DCC: variants seen among roughly 807,000 people sequenced by gnomAD.
DCC encodes the protein DCC netrin 1 receptor.
Under a neutral mutation model 172.5 loss-of-function variants are expected in DCC, and 58 were observed. The observed-to-expected ratio is 0.34, with a 90% CI of 0.27 to 0.42. The LOEUF is 0.42. Ranked by LOEUF, DCC falls within the 10% of genes least tolerant of loss-of-function variation. The pLI is 1.00. For synonymous variants in DCC, 709 were observed against 644.5 expected (o/e 1.10, Z -1.52); for missense variants, 1,740 against 1,791.0 (o/e 0.97, Z 0.51).
intron 5 of DCC, among the ~76,000 whole-genome samples, chr18:53,029,121 C>G (rs529457723): frequency 6.6e-6 from 1 of 150,866 alleles, no homozygotes; most frequent in Non-Finnish European, 1.5e-5. Context: ...AATGTGGATT[C>G]ATATGAGCCA....
intron 2 of DCC, among the ~76,000 whole-genome samples, chr18:52,900,543 T>G (rs1223879539): frequency 6.6e-6 from 1 of 152,240 alleles, no homozygotes; most frequent in Non-Finnish European, 1.5e-5. Flanking sequence ...GCACTTTTAC[T>G]TTGTATTAAT....
chr18:52,509,723 A>G (rs2031365340), intron 1 of DCC, among the ~76,000 whole-genome samples: 1 of 152,210 alleles, frequency 6.6e-6, no homozygotes, highest in African/African-American at 2.4e-5. Flanking sequence ...TTGTGGCCTT[A>G]TGTTTCTCCA....
intron 1 of DCC, among the ~76,000 whole-genome samples, chr18:52,414,570 G>A (rs34758118): frequency 0.14 from 21,387 of 151,962 alleles, 1,604 homozygotes; most frequent in Admixed American, 0.16. Context: ...CCTTGTTATC[G>A]TTAGTGGGAG....
intron 15 of DCC, among the ~76,000 whole-genome samples, chr18:53,346,808 T>G (rs1356265586): frequency 6.6e-6 from 1 of 152,196 alleles, no homozygotes; most frequent in Non-Finnish European, 1.5e-5. Flanking sequence ...ATGGACTATA[T>G]TTACCATTTT....
chr18:52,974,012 C>T (rs1321321062), intron 5 of DCC, among the ~76,000 whole-genome samples: 2 of 151,768 alleles, frequency 1.3e-5, no homozygotes, highest in Admixed American at 1.3e-4. Context: ...ATAATGGGTA[C>T]AGAAGATAGA....
At chr18:53,038,166 G>C (rs1019750740) in intron 5 of DCC, among the ~76,000 whole-genome samples, 10 of 151,928 alleles carry the variant, frequency 6.6e-5, no homozygotes, top group African/African-American at 2.4e-4. Flanking sequence ...CTAGGTTCCA[G>C]AGATAAAGCA....
At chr18:53,437,725 T>C (rs11082999) in intron 22 of DCC, among the ~76,000 whole-genome samples, 65,811 of 151,880 alleles carry the variant, frequency 0.43, 16,163 homozygotes, top group Non-Finnish European at 0.57. Context: ...GCAATTTCAT[T>C]AGCTCACTCT....
intron 14 of DCC, among the ~76,000 whole-genome samples, chr18:53,334,381 T>C (rs1336154570): frequency 1.3e-5 from 2 of 152,112 alleles, no homozygotes; most frequent in Non-Finnish European, 2.9e-5. Flanking sequence ...TGACTCACTC[T>C]TTTTTTTCTG....
intron 8 of DCC, among the ~76,000 whole-genome samples, chr18:53,168,755 G>A (rs1301363068): frequency 6.6e-6 from 1 of 152,056 alleles, no homozygotes; most frequent in African/African-American, 2.4e-5. Context: ...AGCAAAATAA[G>A]AAAAGACAGA....
intron 1 of DCC, among the ~76,000 whole-genome samples, chr18:52,731,665 C>T (rs1320716010): frequency 6.6e-6 from 1 of 152,084 alleles, no homozygotes; most frequent in Admixed American, 6.6e-5. Context: ...ATTTGAGGTG[C>T]AGCAGGAAGG....
intron 15 of DCC, among the ~76,000 whole-genome samples, chr18:53,360,744 C>T (rs1477999957): frequency 2.6e-5 from 4 of 152,064 alleles, no homozygotes; most frequent in Non-Finnish European, 4.4e-5. Flanking sequence ...AATCTTTGTG[C>T]CGATAGCATA....
chr18:53,254,926 C>A (rs1254128604), intron 12 of DCC, among the ~76,000 whole-genome samples: 1 of 152,060 alleles, frequency 6.6e-6, no homozygotes, highest in Non-Finnish European at 1.5e-5. Context: ...TTAGGGACTA[C>A]ATATAGGACA....
At chr18:52,688,086 C>G in intron 1 of DCC, among the ~76,000 whole-genome samples, 1 of 150,282 alleles carries the variant, frequency 6.7e-6, no homozygotes, top group East Asian at 2.0e-4. Flanking sequence ...GTCCTGGGAA[C>G]TTGTTTAATA....
At chr18:53,185,422 C>T (rs1308423162) in intron 9 of DCC, among the ~76,000 whole-genome samples, 2 of 152,104 alleles carry the variant, frequency 1.3e-5, no homozygotes, top group Non-Finnish European at 2.9e-5. Flanking sequence ...GTTTCCAGTA[C>T]AGTAACCACA....
intron 6 of DCC, among the ~76,000 whole-genome samples, chr18:53,064,050 T>C (rs959775286): frequency 2.6e-5 from 4 of 152,142 alleles, no homozygotes; most frequent in Non-Finnish European, 4.4e-5. Flanking sequence ...ACACATTGCT[T>C]TGTAATTTCC....
intron 17 of DCC, among the ~76,000 whole-genome samples, chr18:53,395,022 C>T (rs1165256508): frequency 1.3e-5 from 2 of 151,744 alleles, no homozygotes; most frequent in African/African-American, 2.4e-5. Context: ...GGGGGCGGGG[C>T]GCCTGTAATC....
chr18:52,911,364 A>G (rs1008400204), intron 3 of DCC, among the ~76,000 whole-genome samples: 1 of 152,068 alleles, frequency 6.6e-6, no homozygotes, highest in Non-Finnish European at 1.5e-5. Flanking sequence ...TAAGGGAAGA[A>G]CTGTCTGTAC....
chr18:53,094,638 A>G (rs1303115724), intron 7 of DCC, among the ~76,000 whole-genome samples: 1 of 152,224 alleles, frequency 6.6e-6, no homozygotes, highest in African/African-American at 2.4e-5. Context: ...ATTACTTTAT[A>G]TCTTCATAAG....
At chr18:53,190,923 G>A (rs1203882524) in intron 9 of DCC, among the ~76,000 whole-genome samples, 1 of 152,140 alleles carries the variant, frequency 6.6e-6, no homozygotes, top group East Asian at 1.9e-4. Context: ...TCTTGCCTGG[G>A]AGACAGAGCG....
Sources: allele counts gnomAD v4.1 joint callset (sites outside exome capture counted in the v4.1 genomes callset), GRCh38; gene constraint gnomAD v4.1.1; transcripts MANE v1.5; gene names NCBI Gene and HGNC (gene_info 2026-07-23, HGNC 2026-07-21).